LRMDA: variants seen among roughly 807,000 people sequenced by gnomAD.
LRMDA encodes leucine-rich melanocyte differentiation-associated protein.
LRMDA carries 18 observed loss-of-function variants against 29.8 expected under a neutral mutation model. That is an observed-to-expected ratio of 0.60 (90% CI 0.42 to 0.90). The LOEUF (loss-of-function observed/expected upper bound fraction) is 0.90. LRMDA is among the 40% of genes least tolerant of loss of function. LRMDA has a pLI of 0.00. For synonymous variants in LRMDA, 125 were observed against 109.4 expected (o/e 1.14, Z -0.89); for missense variants, 273 against 273.9 (o/e 1.00, Z 0.02).
chr10:76,014,496 A>G (rs1453289116), intron 2 of LRMDA, among the ~76,000 whole-genome samples: 4 of 152,134 alleles, frequency 2.6e-5, no homozygotes, highest in African/African-American at 9.7e-5. Flanking sequence ...GCTTAACATC[A>G]TATGCCCATA....
chr10:76,147,460 C>A (rs1850349369), intron 5 of LRMDA, among the ~76,000 whole-genome samples: 1 of 152,202 alleles, frequency 6.6e-6, no homozygotes, highest in Non-Finnish European at 1.5e-5. Flanking sequence ...GATACCCTTT[C>A]TTCCAGTTGA....
intron 2 of LRMDA, among the ~76,000 whole-genome samples, chr10:75,472,578 A>G (rs1469657436): frequency 2.6e-5 from 4 of 152,238 alleles, no homozygotes; most frequent in African/African-American, 7.2e-5. Context: ...AGCACATAGT[A>G]GCTGCTCATT....
intron 2 of LRMDA, among the ~76,000 whole-genome samples, chr10:75,935,996 T>TTTTTATTTTA (rs145141243): frequency 1.6e-4 from 24 of 152,028 alleles, no homozygotes; most frequent in East Asian, 7.7e-4. Context: ...CTCATTTTTA[T>TTTTTATTTTA]TTTTATTTTA....
intron 2 of LRMDA, among the ~76,000 whole-genome samples, chr10:75,657,131 C>T (rs1841686887): frequency 1.3e-5 from 2 of 152,212 alleles, no homozygotes; most frequent in South Asian, 2.1e-4. Context: ...TTTACATACT[C>T]AGTCTATGAG....
intron 2 of LRMDA, among the ~76,000 whole-genome samples, chr10:75,896,017 A>C (rs1416732711): frequency 6.6e-6 from 1 of 152,174 alleles, no homozygotes; most frequent in Non-Finnish European, 1.5e-5. Flanking sequence ...TATATTGAGG[A>C]TAATAGAAGC....
intron 2 of LRMDA, among the ~76,000 whole-genome samples, chr10:75,707,976 T>C (rs2132174785): frequency 6.6e-6 from 1 of 152,326 alleles, no homozygotes; most frequent in South Asian, 2.1e-4. Flanking sequence ...TGTTCAGTCC[T>C]AGTTCCTGGG....
At chr10:75,906,773 C>G (rs559845637) in intron 2 of LRMDA, among the ~76,000 whole-genome samples, 2 of 152,356 alleles carry the variant, frequency 1.3e-5, no homozygotes, top group East Asian at 3.9e-4. Flanking sequence ...GATGCCGAAA[C>G]AAGGCAGTTT....
intron 2 of LRMDA, among the ~76,000 whole-genome samples, chr10:75,609,745 TG>T (rs1564521694): frequency 6.6e-6 from 1 of 152,140 alleles, no homozygotes; most frequent in African/African-American, 2.4e-5. Context: ...GAGCCTCAGG[TG>T]GAACCAGGCT....
intron 2 of LRMDA, among the ~76,000 whole-genome samples, chr10:75,884,080 A>G (rs542699523): frequency 5.9e-5 from 9 of 151,906 alleles, no homozygotes; most frequent in South Asian, 2.1e-4. Flanking sequence ...TTTTTAGTAG[A>G]CATACGTGAA....
intron 5 of LRMDA, among the ~76,000 whole-genome samples, chr10:76,139,432 C>T (rs923208141): frequency 1.1e-4 from 16 of 152,020 alleles, no homozygotes; most frequent in East Asian, 9.6e-4. Context: ...CCTCTACACA[C>T]GCACAGACGC....
intron 6 of LRMDA, among the ~76,000 whole-genome samples, chr10:76,503,409 C>T (rs1423137919): frequency 1.5e-4 from 22 of 150,846 alleles, no homozygotes; most frequent in African/African-American, 5.1e-4. Context: ...ACCCATTTTT[C>T]TTTGCATGTC....
In LRMDA at chr10:75,563,543, C is replaced by T. The variant is rs559148281; in HGVS notation, c.131+125049C>T. On this transcript the variant is annotated intron_variant, in intron 2 of 6. Transcript: ENST00000611255. ...CTTCTCTCAACTCGTCAAAGTCATT[C>T]TCCGTCCAGCTTTGTTCCGTTGCTG... Among the ~76,000 whole-genome samples the T allele has an allele frequency of 6.8e-4, 104 of 152,268 alleles. 2 individuals carry two copies. Among genetic ancestry groups the T allele is most frequent in the Middle Eastern group, 3.4e-3 (1 of 294 alleles).
At chr10:75,909,191 A>T (rs923739285) in intron 2 of LRMDA, among the ~76,000 whole-genome samples, 1 of 152,336 alleles carries the variant, frequency 6.6e-6, no homozygotes, top group East Asian at 1.9e-4. Context: ...TAGTATAGTA[A>T]GTGCTGTAAA....
chr10:76,368,111 G>A (rs991413639), intron 6 of LRMDA, among the ~76,000 whole-genome samples: 7 of 151,952 alleles, frequency 4.6e-5, no homozygotes, highest in Non-Finnish European at 7.4e-5. Flanking sequence ...CTTCTGCTGC[G>A]ATCTTGGTTA....
Position 76,257,151 on chromosome 10 carries a change from C to T in LRMDA, c.517-67250C>T, listed in dbSNP as rs1331498785. Among the ~76,000 whole-genome samples, 5 of 152,044 alleles carry T rather than the reference C, an allele frequency of 3.3e-5. No homozygotes were observed. In the South Asian group the frequency reaches 1.0e-3, roughly 32 times the overall value. On this transcript the variant is annotated intron_variant, in intron 5 of 6. Coordinates refer to ENST00000611255, the MANE Select transcript of LRMDA (RefSeq NM_001305581.2). ...CTAATATATTTGAATAATAGCTTTA[C>T]ATTAAAAATTTAATTTTCTTTTTAA...
chr10:75,736,045 C>T (rs1842758404), intron 2 of LRMDA, among the ~76,000 whole-genome samples: 1 of 152,162 alleles, frequency 6.6e-6, no homozygotes, highest in Non-Finnish European at 1.5e-5. Flanking sequence ...GATACATCAG[C>T]TTCTTTCCCA....
At chr10:75,503,378 A>C (rs1332855995) in intron 2 of LRMDA, among the ~76,000 whole-genome samples, 1 of 152,044 alleles carries the variant, frequency 6.6e-6, no homozygotes, top group Non-Finnish European at 1.5e-5. Flanking sequence ...TGTGCAGGGC[A>C]GGGGTGGTGG....
At chr10:76,472,579 A>G (rs1183869990) in intron 6 of LRMDA, among the ~76,000 whole-genome samples, 1 of 151,688 alleles carries the variant, frequency 6.6e-6, no homozygotes, top group African/African-American at 2.4e-5. Context: ...AAGAATAAAA[A>G]GCAATGAAAA....
At chr10:75,663,244 G>A (rs774431072) in intron 2 of LRMDA, among the ~76,000 whole-genome samples, 19 of 152,100 alleles carry the variant, frequency 1.2e-4, no homozygotes, top group African/African-American at 7.2e-5. Context: ...CCTCCTCCCC[G>A]CCCTTAATGG....
Sources: allele counts gnomAD v4.1 joint callset (sites outside exome capture counted in the v4.1 genomes callset), GRCh38; gene constraint gnomAD v4.1.1; transcripts MANE v1.5; gene names NCBI Gene and HGNC (gene_info 2026-07-23, HGNC 2026-07-21).